SLC22A9: variants seen among roughly 807,000 people sequenced by gnomAD.
SLC22A9 encodes solute carrier family 22 member 9, also known as organic anion transporter 7.
In SLC22A9, 64 loss-of-function variants were observed where a neutral mutation model predicts 50.1. The observed-to-expected ratio is 1.28, with a 90% CI of 1.04 to 1.57. The LOEUF is 1.57. Ranked by LOEUF, SLC22A9 falls within the 40% of genes most tolerant of loss-of-function variation. The pLI is 0.00. For synonymous variants in SLC22A9, 261 were observed against 242.5 expected (o/e 1.08, Z -0.71); for missense variants, 757 against 676.1 (o/e 1.12, Z -1.33).
chr11:63,380,863 A>G (rs1231855129), intron 5 of SLC22A9, among the ~76,000 whole-genome samples: 2 of 152,080 alleles, frequency 1.3e-5, no homozygotes, highest in Non-Finnish European at 2.9e-5. Flanking sequence ...AAAGTTGGAA[A>G]GTAAAAAACA....
intron 5 of SLC22A9, among the ~76,000 whole-genome samples, chr11:63,379,525 C>A (rs1399089025): frequency 2.6e-5 from 4 of 152,074 alleles, no homozygotes; most frequent in African/African-American, 4.8e-5. Flanking sequence ...ACCAAATAAA[C>A]TAAAGAGCTT....
Position 63,382,184 on chromosome 11 carries a change from AACTGGAGGCAGC to A in SLC22A9, c.983_994del (p.Leu328_Ala331del). ...ATTTTGAAATCCACCATGAAAAAAG[AACTGGAGGCAGC>A]ACAAAAAAAAAAACCTTCTCTGTGT... is the stretch of plus-strand genomic sequence containing the variant. On this transcript the variant is annotated inframe_deletion, in exon 6 of 10. Transcript: ENST00000279178. 2 of 1,606,432 alleles carry A rather than the reference AACTGGAGGCAGC, an allele frequency of 1.2e-6. No individual in the cohort carries two copies. Among genetic ancestry groups the A allele is most frequent in the Non-Finnish European group, 1.7e-6 (2 of 1,177,836 alleles).
chr11:63,383,973 C>T (rs113230491), intron 6 of SLC22A9, among the ~76,000 whole-genome samples: 5,157 of 151,394 alleles, frequency 0.034, 123 homozygotes, highest in Non-Finnish European at 0.056. Flanking sequence ...CACTTCAACC[C>T]GGGAGGTGGA....
chr11:63,398,446 G>C (rs2014896958), intron 6 of SLC22A9, among the ~76,000 whole-genome samples: 1 of 152,130 alleles, frequency 6.6e-6, no homozygotes, highest in African/African-American at 2.4e-5. Context: ...GTTTATTTAA[G>C]ACCCCATAGA....
intron 6 of SLC22A9, among the ~76,000 whole-genome samples, chr11:63,402,904 A>AT (rs2014974624): frequency 6.6e-6 from 1 of 152,088 alleles, no homozygotes; most frequent in South Asian, 2.1e-4. Context: ...ATGTTTGCTC[A>AT]CCTTTCACCA....
chr11:63,371,222 G>T lies in SLC22A9; in HGVS notation c.490G>T (p.Gly164Cys), dbSNP rs138297035. ...AGMMVGGILG[G>C]HLSDRFGRRF... is the part of the protein sequence containing the mutation. ...AATGATGGTGGGAGGCATCCTAGGC[G>T]GTCATTTATCAGACAGGTGAGTGTG... The change falls in exon 2 of 10, where the codon GGT becomes TGT. Residue 164 changes from glycine (G) to cysteine (C), a missense_variant. By Grantham distance (159) the Gly-to-Cys change is radical (BLOSUM62 -3). Coordinates refer to ENST00000279178, the MANE Select transcript of SLC22A9 (RefSeq NM_080866.3). 1 of 1,612,610 alleles carries T rather than the reference G, an allele frequency of 6.2e-7. No individual in the cohort carries two copies. Among genetic ancestry groups the T allele is most frequent in the Non-Finnish European group, 8.5e-7 (1 of 1,179,134 alleles).
In SLC22A9 at chr11:63,408,133, T is replaced by C; in HGVS notation, c.1310T>C (p.Val437Ala). 1 of 1,613,572 alleles carries C rather than the reference T, an allele frequency of 6.2e-7. No individual in the cohort carries two copies. Among genetic ancestry groups the C allele is most frequent in the Non-Finnish European group, 8.5e-7 (1 of 1,179,680 alleles). ...VPQEMQTLRE[V>A]LATLGLGASA... Reference sequence around the variant, plus strand: ...CCAGAAATGCAGACGCTGCGTGAGGTTTTGGCAACACTGGGCTTAGGAGCG... The same window carrying C: ...CCAGAAATGCAGACGCTGCGTGAGGCTTTGGCAACACTGGGCTTAGGAGCG... The change falls in exon 8 of 10, where the codon GTT becomes GCT. Residue 437 changes from valine (V) to alanine (A), a missense_variant. Transcript: ENST00000279178.
chr11:63,371,336 C>G, intron 2 of SLC22A9, 98 bp downstream of exon 2: 1 of 989,626 alleles, frequency 1.0e-6, no homozygotes, highest in East Asian at 2.6e-5. Flanking sequence ...TTACATTCTC[C>G]TGAGGCTGCC....
chr11:63,375,524 C>T (rs1328859096), intron 4 of SLC22A9, 121 bp from the exon 5 acceptor site: 1 of 1,384,144 alleles, frequency 7.2e-7, no homozygotes, highest in Admixed American at 2.3e-5. Flanking sequence ...GTTTACATTT[C>T]CTGGTAAAAC....
At position 63,409,663 on chromosome 11, in the gene SLC22A9, C is replaced by A. The variant is rs952185015; in HGVS notation, c.1602-139C>A. On this transcript the variant is annotated intron_variant, in intron 9 of 9. Coordinates refer to ENST00000279178, the MANE Select transcript of SLC22A9 (RefSeq NM_080866.3). Reference sequence around the variant, plus strand: ...TTTTACTTCACAAGGTTTACTCAATCCCTTGGGGGCAGAGATATGGTTTTT... The same window carrying A: ...TTTTACTTCACAAGGTTTACTCAATACCTTGGGGGCAGAGATATGGTTTTT... 5.1e-6 allele frequency: 4 copies of A among 785,714 alleles called. No homozygotes were observed. In the East Asian group the frequency reaches 1.2e-4, roughly 23 times the overall value. The allele number at this position is 785,714 out of a possible 1,614,324, so 48.7% of individuals were successfully genotyped here. A position where few individuals can be genotyped will look rare whatever the true frequency, so the allele number is the denominator to read the frequency against.
At position 63,409,998 on chromosome 11, in the gene SLC22A9, T is replaced by G; in HGVS notation, c.*136T>G. The G allele has an allele frequency of 1.1e-6, 1 of 901,580 alleles. No homozygotes were observed. Among genetic ancestry groups the G allele is most frequent in the Non-Finnish European group, 1.7e-6 (1 of 593,844 alleles). 55.8% of individuals were successfully genotyped at this position (901,580 alleles called of 1,614,324 possible). A position where few individuals can be genotyped will look rare whatever the true frequency, so the allele number is the denominator to read the frequency against. ...GCTCACGCCTGTAATCCCAGCACCT[T>G]GGGAGGCTGAGGCGGGCAGATCATG... On this transcript the variant is annotated 3_prime_UTR_variant, in exon 10 of 10. Coordinates refer to ENST00000279178, the MANE Select transcript of SLC22A9 (RefSeq NM_080866.3).
At chr11:63,384,516 C>G (rs1209555621) in intron 6 of SLC22A9, among the ~76,000 whole-genome samples, 2 of 151,984 alleles carry the variant, frequency 1.3e-5, no homozygotes, top group Admixed American at 1.3e-4. Context: ...GTACATGTAC[C>G]ACATTTTCTT....
intron 6 of SLC22A9, among the ~76,000 whole-genome samples, chr11:63,392,364 G>A (rs891329396): frequency 3.3e-5 from 5 of 152,010 alleles, no homozygotes; most frequent in African/African-American, 1.2e-4. Context: ...TCTTTCAGAT[G>A]GAAGAAATCT....
At chr11:63,377,184 C>T (rs1357666950) in intron 5 of SLC22A9, among the ~76,000 whole-genome samples, 2 of 152,110 alleles carry the variant, frequency 1.3e-5, no homozygotes, top group Non-Finnish European at 2.9e-5. Flanking sequence ...AAACTCAACA[C>T]TTGACCAAAT....
In SLC22A9 at chr11:63,374,154, G is replaced by A. The variant is rs115050773; in HGVS notation, c.830+92G>A. The A allele has an allele frequency of 2.8e-4, 353 of 1,241,298 alleles. No homozygotes were observed. The African/African-American group carries it at 4.9e-3, about 17-fold the overall frequency. 76.9% of individuals were successfully genotyped at this position (1,241,298 alleles called of 1,614,324 possible). A position where few individuals can be genotyped will look rare whatever the true frequency, so the allele number is the denominator to read the frequency against. On this transcript the variant is annotated intron_variant, in intron 4 of 9. Coordinates refer to ENST00000279178, the MANE Select transcript of SLC22A9 (RefSeq NM_080866.3). ...ACCTGAATTTCTTTTTGTTCTTTGT[G>A]TAAACCTGAGAGCACGTCCTCTCAT...
chr11:63,370,489 T>C (rs1565180013), intron 1 of SLC22A9, 31 bp downstream of exon 1: 4 of 1,532,644 alleles, frequency 2.6e-6, no homozygotes, highest in Non-Finnish European at 3.5e-6. Context: ...CTCATGAGTA[T>C]GTGACCTGGG....
At chr11:63,407,679 C>T (rs2015063467) in intron 7 of SLC22A9, among the ~76,000 whole-genome samples, 1 of 152,148 alleles carries the variant, frequency 6.6e-6, no homozygotes, top group Admixed American at 6.5e-5. Flanking sequence ...GCAACCCTAG[C>T]CCCATGTCAA....
intron 6 of SLC22A9, among the ~76,000 whole-genome samples, chr11:63,401,741 C>G (rs2014955269): frequency 6.6e-6 from 1 of 152,068 alleles, no homozygotes; most frequent in South Asian, 2.1e-4. Context: ...TACTAGTGTT[C>G]CCTTTTCTCC....
chr11:63,371,355 C>T, intron 2 of SLC22A9, 117 bp downstream of exon 2: 1 of 804,236 alleles, frequency 1.2e-6, no homozygotes, highest in South Asian at 2.1e-5. Flanking sequence ...CCCTGATCCC[C>T]AAACAGAAAA....
Sources: gnomAD v4.1 joint callset for allele counts (sites outside exome capture counted in the v4.1 genomes callset) on GRCh38, gnomAD v4.1.1 for gene constraint, MANE v1.5 for transcripts, NCBI Gene and HGNC (gene_info 2026-07-23, HGNC 2026-07-21) for gene names.